LRRC4C: variants seen among roughly 807,000 people sequenced by gnomAD.
LRRC4C encodes leucine rich repeat containing 4C.
In LRRC4C, 5 loss-of-function variants were observed where a neutral mutation model predicts 33.6. The observed-to-expected ratio is 0.15, with a 90% CI of 0.08 to 0.31. The LOEUF (loss-of-function observed/expected upper bound fraction) is 0.31. Among genes scored for constraint, LRRC4C ranks in the 10% least tolerant of loss-of-function variants. LRRC4C has a pLI of 1.00. For missense variants in LRRC4C, 560 were observed against 796.7 expected (o/e 0.70, Z 3.58); for synonymous variants, 329 against 302.0 (o/e 1.09, Z -0.93).
intron 2 of LRRC4C, among the ~76,000 whole-genome samples, chr11:40,656,240 T>C (rs188129767): frequency 6.6e-6 from 1 of 151,778 alleles, no homozygotes; most frequent in African/African-American, 2.4e-5. Context: ...TGTCCACTCA[T>C]CTCTAATCCT....
chr11:41,398,440 T>C (rs1283522273), intron 1 of LRRC4C, among the ~76,000 whole-genome samples: 1 of 152,022 alleles, frequency 6.6e-6, no homozygotes, highest in African/African-American at 2.4e-5. Flanking sequence ...TTAATTTACT[T>C]AGCAGATTCT....
At chr11:41,264,708 C>A (rs1346560248) in intron 1 of LRRC4C, among the ~76,000 whole-genome samples, 1 of 152,000 alleles carries the variant, frequency 6.6e-6, no homozygotes, top group African/African-American at 2.4e-5. Context: ...GATATCTAGA[C>A]GAAGTTATTC....
intron 3 of LRRC4C, among the ~76,000 whole-genome samples, chr11:40,451,218 T>A (rs1019955574): frequency 6.6e-6 from 1 of 150,946 alleles, no homozygotes; most frequent in African/African-American, 2.4e-5. Context: ...TAGAAAAAAA[T>A]TAGTGCATCA....
intron 4 of LRRC4C, among the ~76,000 whole-genome samples, chr11:40,272,774 T>C (rs1389844553): frequency 6.6e-6 from 1 of 152,028 alleles, no homozygotes; most frequent in African/African-American, 2.4e-5. Context: ...CATGTCTTAT[T>C]ATAAAAGCAT....
intron 5 of LRRC4C, among the ~76,000 whole-genome samples, chr11:40,154,719 A>G (rs1565063154): frequency 6.6e-6 from 1 of 152,174 alleles, no homozygotes; most frequent in East Asian, 1.9e-4. Flanking sequence ...TTATGAATAA[A>G]CCTAAGAAAT....
rs189809718 is a variant in LRRC4C, at chr11:41,007,681, T to G, written c.-495-73958A>C. 2.2e-3 allele frequency among the ~76,000 whole-genome samples: 338 copies of G among 152,292 alleles called. 1 individual carries two copies. Among genetic ancestry groups the G allele is most frequent in the African/African-American group, 7.7e-3 (318 of 41,562 alleles). On this transcript the variant is annotated intron_variant, in intron 1 of 6. Coordinates refer to ENST00000528697, the MANE Select transcript of LRRC4C (RefSeq NM_001258419.2). The stretch of plus-strand genomic sequence containing the variant: ...ATGGTGATATTGTTTTTAAAAAGGC[T>G]TTCTAAATAGATTTTTAAAAATGTA...
chr11:41,327,467 G>A (rs2137332563), intron 1 of LRRC4C, among the ~76,000 whole-genome samples: 1 of 152,244 alleles, frequency 6.6e-6, no homozygotes. Flanking sequence ...CAATTTGGCA[G>A]AAACCCAAGT....
intron 1 of LRRC4C, among the ~76,000 whole-genome samples, chr11:41,300,579 A>C (rs1192960982): frequency 6.6e-6 from 1 of 152,084 alleles, no homozygotes; most frequent in Admixed American, 6.5e-5. Flanking sequence ...GCTTCTCTCT[A>C]TTTCTCTTTT....
At chr11:41,167,546 A>T (rs1944784527) in intron 1 of LRRC4C, among the ~76,000 whole-genome samples, 1 of 152,184 alleles carries the variant, frequency 6.6e-6, no homozygotes, top group Non-Finnish European at 1.5e-5. Flanking sequence ...TGCCTGAAAC[A>T]AATCAAACTG....
At chr11:40,453,617 G>GAAAAA (rs149112559) in intron 3 of LRRC4C, among the ~76,000 whole-genome samples, 7,862 of 143,626 alleles carry the variant, frequency 0.055, 475 homozygotes, top group African/African-American at 0.15. Context: ...GGCATTCTAA[G>GAAAAA]AAAAAAAAAA....
intron 2 of LRRC4C, among the ~76,000 whole-genome samples, chr11:40,738,973 T>A (rs1403361643): frequency 6.6e-6 from 1 of 151,920 alleles, no homozygotes; most frequent in African/African-American, 2.4e-5. Context: ...GTAATCAAAC[T>A]AATCGACATA....
At chr11:41,424,040 C>T (rs1415606163) in intron 1 of LRRC4C, 1 of 152,070 alleles carries the variant, frequency 6.6e-6, no homozygotes, top group Non-Finnish European at 1.5e-5. Context: ...TCTTTATCAG[C>T]AGTGTCAAAC....
intron 2 of LRRC4C, among the ~76,000 whole-genome samples, chr11:40,739,677 T>G (rs1016047765): frequency 3.3e-5 from 5 of 151,864 alleles, no homozygotes; most frequent in African/African-American, 1.2e-4. Context: ...ATTGAGTGAG[T>G]TCTCATGATA....
intron 6 of LRRC4C, among the ~76,000 whole-genome samples, chr11:40,119,667 T>C (rs1241487129): frequency 6.6e-6 from 1 of 152,222 alleles, no homozygotes; most frequent in Non-Finnish European, 1.5e-5. Context: ...GTATTAATCA[T>C]GCCTTTTTAT....
At chr11:40,447,402 A>C (rs1024066060) in intron 3 of LRRC4C, among the ~76,000 whole-genome samples, 1 of 152,162 alleles carries the variant, frequency 6.6e-6, no homozygotes, top group Admixed American at 6.6e-5. Flanking sequence ...GGATGGAAGG[A>C]AACATGTTTG....
intron 3 of LRRC4C, among the ~76,000 whole-genome samples, chr11:40,522,487 G>A (rs1055496429): frequency 3.3e-5 from 5 of 152,090 alleles, no homozygotes; most frequent in African/African-American, 1.2e-4. Flanking sequence ...TCCCCCATAC[G>A]GTTCCTGTGG....
At chr11:41,073,335 T>C (rs564422983) in intron 1 of LRRC4C, among the ~76,000 whole-genome samples, 34 of 151,620 alleles carry the variant, frequency 2.2e-4, no homozygotes, top group Non-Finnish European at 4.4e-4. Context: ...AGTGAGGGGT[T>C]TTTTTAACAA....
At chr11:40,688,412 T>C (rs1249326007) in intron 2 of LRRC4C, among the ~76,000 whole-genome samples, 1 of 152,180 alleles carries the variant, frequency 6.6e-6, no homozygotes, top group Non-Finnish European at 1.5e-5. Flanking sequence ...ATCACTGCTA[T>C]AGTGATCTGG....
rs182292587 is a variant in LRRC4C at position 41,135,229 on chromosome 11, G to T, written c.-495-201506C>A. Among the ~76,000 whole-genome samples, 238 of 152,122 alleles carry T rather than the reference G, an allele frequency of 1.6e-3. 1 individual carries two copies. Among genetic ancestry groups the T allele is most frequent in the African/African-American group, 5.5e-3 (230 of 41,500 alleles). ...ATCTCTCTAATTTTGCAAAGTTTTG[G>T]CTGTGTTCCATTTCTGCCTAGACAA... On this transcript the variant is annotated intron_variant, in intron 1 of 6. Transcript: ENST00000528697.
Sources: gnomAD v4.1 joint callset for allele counts (sites outside exome capture counted in the v4.1 genomes callset) on GRCh38, gnomAD v4.1.1 for gene constraint, MANE v1.5 for transcripts, NCBI Gene and HGNC (gene_info 2026-07-23, HGNC 2026-07-21) for gene names.